Variants in CELSR1 observed in about 807,000 individuals in gnomAD.
CELSR1 encodes adhesion G protein-coupled receptor C1.
In CELSR1, 110 loss-of-function variants were observed where a neutral mutation model predicts 249.1. That is an observed-to-expected ratio of 0.44 (90% confidence interval 0.38 to 0.52). The LOEUF (loss-of-function observed/expected upper bound fraction) is 0.52. Ranked by LOEUF, CELSR1 falls within the 20% of genes least tolerant of loss-of-function variation. The pLI is 0.00. For missense variants in CELSR1, 4,109 were observed against 4,296.4 expected (o/e 0.96, Z 1.22); for synonymous variants, 2,113 against 1,900.0 (o/e 1.11, Z -2.92).
intron 20 of CELSR1, among the ~76,000 whole-genome samples, chr22:46,383,598 C>T (rs1208459175): frequency 6.6e-6 from 1 of 152,224 alleles, no homozygotes; most frequent in Non-Finnish European, 1.5e-5. Context: ...ACGATCACAG[C>T]TCACTGCAGC....
rs1371296379 is a variant in CELSR1 at position 46,363,928 on chromosome 22, C to G, written c.9035+68G>C. The G allele has an allele frequency of 4.1e-6, 6 of 1,468,516 alleles. No homozygotes were observed. Among genetic ancestry groups the G allele is most frequent in the Non-Finnish European group, 5.4e-6 (6 of 1,108,546 alleles). The allele number at this position is 1,468,516 out of a possible 1,614,324, so 91.0% of individuals were successfully genotyped here. On this transcript the variant is annotated intron_variant, in intron 34 of 34. Transcript: ENST00000674500. The surrounding 1 kb of genome is among the most constrained non-coding windows in gnomAD (Gnocchi z 4.3). ...GGTGTCAGGTCCCTGACCACTGCCC[C>G]CTCTCTCTCCTGACTCAGGACAAGG...
rs1176622423 is a variant in CELSR1, at chr22:46,447,060, C to T, written c.4184-7649G>A. 1.3e-5 allele frequency among the ~76,000 whole-genome samples: 2 copies of T among 152,074 alleles called. No homozygotes were observed. Among genetic ancestry groups the T allele is most frequent in the African/African-American group, 4.8e-5 (2 of 41,428 alleles). On this transcript the variant is annotated intron_variant, in intron 2 of 34. Transcript: ENST00000674500. The surrounding 1 kb of genome is among the most constrained non-coding windows in gnomAD (Gnocchi z 4.7). ...TATAGGGAGCTGGAGGGGCTGCTAG[C>T]ATGAGTGGATTACAGCGCTGTTTAA...
intron 1 of CELSR1, among the ~76,000 whole-genome samples, chr22:46,532,769 G>A (rs768469544): frequency 3.9e-5 from 6 of 152,068 alleles, no homozygotes; most frequent in African/African-American, 7.2e-5. Flanking sequence ...CAGGCCCCTC[G>A]AAGTTCTTCT....
At position 46,434,861 on chromosome 22, in the gene CELSR1, G is replaced by C. The variant is rs2079639430; in HGVS notation, c.4522+1313C>G. ...AAAATACAAAAATTAGCCGGGCATG[G>C]TGAAACGTGCCTGTATTCCCAGCTA... On this transcript the variant is annotated intron_variant, in intron 4 of 34. Coordinates refer to ENST00000674500, the MANE Select transcript of CELSR1 (RefSeq NM_001378328.1). The surrounding 1 kb of genome is among the most constrained non-coding windows in gnomAD (Gnocchi z 4.9). Among the ~76,000 whole-genome samples, 2 of 152,132 alleles carry C rather than the reference G, an allele frequency of 1.3e-5. No individual in the cohort carries two copies. Among genetic ancestry groups the C allele is most frequent in the African/African-American group, 4.8e-5 (2 of 41,428 alleles).
chr22:46,469,975 G>C (rs2080137356), intron 1 of CELSR1, among the ~76,000 whole-genome samples: 1 of 9,630 alleles, frequency 1.0e-4, no homozygotes, highest in Non-Finnish European at 2.9e-4. Flanking sequence ...AAGGGAGGGA[G>C]GGAGGAGGAG....
intron 19 of CELSR1, among the ~76,000 whole-genome samples, chr22:46,385,927 T>C (rs865917456): frequency 6.6e-6 from 1 of 150,932 alleles, no homozygotes; most frequent in African/African-American, 2.5e-5. Context: ...TCCGCCCACC[T>C]TGGCCTCCCA....
In CELSR1 at chr22:46,377,449, T is replaced by TGCCCTGG. The variant is rs925612357; in HGVS notation, c.7384-195_7384-189dup. 47 of 640,296 alleles carry TGCCCTGG rather than the reference T, an allele frequency of 7.3e-5. No homozygotes were observed. In the East Asian group the frequency reaches 1.3e-3, roughly 18 times the overall value. 39.7% of individuals were successfully genotyped at this position (640,296 alleles called of 1,614,324 possible). A position where few individuals can be genotyped will look rare whatever the true frequency, so the allele number is the denominator to read the frequency against. ...ACTGCCCCTCCTGAGGCTCCTTCAATGCCCTGGGCCCTGGGCATCCCTGGG... is the reference window on the plus strand; with the variant it reads ...ACTGCCCCTCCTGAGGCTCCTTCAATGCCCTGGGCCCTGGGCCCTGGGCATCCCTGGG... On this transcript the variant is annotated intron_variant, in intron 23 of 34. Coordinates refer to ENST00000674500, the MANE Select transcript of CELSR1 (RefSeq NM_001378328.1).
At position 46,380,988 on chromosome 22, in the gene CELSR1, C is replaced by T; in HGVS notation, c.7089-33G>A. On this transcript the variant is annotated intron_variant, in intron 21 of 34. Transcript: ENST00000674500. The surrounding 1 kb of genome is among the most constrained non-coding windows in gnomAD (Gnocchi z 5.1). Reference sequence around the variant, plus strand: ...CAAGAAGCCAGAGCATGGGGACAAACACGGTGAGGAAACATCTGCTTAAAT... The same window carrying T: ...CAAGAAGCCAGAGCATGGGGACAAATACGGTGAGGAAACATCTGCTTAAAT... The T allele has an allele frequency of 3.1e-6, 5 of 1,602,636 alleles. No individual in the cohort carries two copies. The highest frequency in any genetic ancestry group is 4.3e-6 in the Non-Finnish European group (5 of 1,172,030).
rs1221150262 is a variant in CELSR1 at position 46,447,667 on chromosome 22, G to A, written c.4184-8256C>T. Among the ~76,000 whole-genome samples, 1 of 152,198 alleles carries A rather than the reference G, an allele frequency of 6.6e-6. No individual in the cohort carries two copies. Among genetic ancestry groups the A allele is most frequent in the Non-Finnish European group, 1.5e-5 (1 of 68,038 alleles). On this transcript the variant is annotated intron_variant, in intron 2 of 34. Coordinates refer to ENST00000674500, the MANE Select transcript of CELSR1 (RefSeq NM_001378328.1). The surrounding 1 kb of genome is among the most constrained non-coding windows in gnomAD (Gnocchi z 4.7). The stretch of plus-strand genomic sequence containing the variant: ...TAAGAGAGTCTTACTCTGTCGCCCA[G>A]GCTGGAGTGCAATGGTGCGATCTCG...
In CELSR1 at chr22:46,383,339, G is replaced by C. The variant is rs563961388; in HGVS notation, c.6883+1204C>G. ...TTCACGTCCTTTTTATTTGGGGAAG[G>C]TTTTAGTAATTGTCATGGATCTGTA... On this transcript the variant is annotated intron_variant, in intron 20 of 34. Transcript: ENST00000674500. Among the ~76,000 whole-genome samples the C allele has an allele frequency of 2.0e-4, 31 of 152,296 alleles. 1 individual carries two copies. The South Asian group carries it at 5.2e-3, about 25-fold the overall frequency.
chr22:46,421,750 G>A (rs1300276200), intron 5 of CELSR1, among the ~76,000 whole-genome samples: 2 of 152,268 alleles, frequency 1.3e-5, no homozygotes, highest in African/African-American at 2.4e-5. Context: ...AAAGGCAGTG[G>A]CCGCCGACTT....
intron 25 of CELSR1, chr22:46,370,286 A>G (rs1286138462): frequency 8.0e-6 from 3 of 373,248 alleles, no homozygotes; most frequent in African/African-American, 6.3e-5. Context: ...CCCCCATACC[A>G]CATCCAACCA....
intron 29 of CELSR1, 34 bp downstream of exon 29, chr22:46,366,959 C>G (rs774606004): frequency 3.1e-6 from 5 of 1,593,602 alleles, no homozygotes; most frequent in Admixed American, 3.4e-5. Flanking sequence ...TGCCGCCCAG[C>G]CCCCAGTCCC....
chr22:46,365,556 C>T (rs367887796), intron 31 of CELSR1, 30 bp downstream of exon 31: 123 of 1,562,494 alleles, frequency 7.9e-5, no homozygotes, highest in Middle Eastern at 3.3e-4. Context: ...AAACAACCCA[C>T]GGGGTCCTCC....
chr22:46,533,873 C>T lies in CELSR1; in HGVS notation c.3298G>A (p.Val1100Met), dbSNP rs149416988. Residue 1100 changes from valine to methionine, a missense_variant, in exon 1 of 35, where the codon GTG becomes ATG. Around this residue, in one of 7 missense-constraint regions of CELSR1, gnomAD observed 886 missense variants for 896.5 expected, o/e 0.99. Coordinates refer to ENST00000674500, the MANE Select transcript of CELSR1 (RefSeq NM_001378328.1). The part of the protein sequence containing the change: ...LLVDQNDNPP[V>M]LPDFQILFNN... ...AAGAGGATCTGGAAGTCGGGCAGCACAGGCGGGTTGTCATTCTGGTCCACG... is the reference window on the plus strand; with the variant it reads ...AAGAGGATCTGGAAGTCGGGCAGCATAGGCGGGTTGTCATTCTGGTCCACG... The T allele has an allele frequency of 1.2e-6, 2 of 1,613,758 alleles. No individual in the cohort carries two copies. Among genetic ancestry groups the T allele is most frequent in the African/African-American group, 2.7e-5 (2 of 75,046 alleles).
chr22:46,400,050 C>A (rs1035140747), intron 9 of CELSR1, 148 bp from the exon 10 acceptor site: 2 of 813,732 alleles, frequency 2.5e-6, no homozygotes, highest in Non-Finnish European at 3.8e-6. Context: ...GCAAAGTTGG[C>A]CAGGTGCGGT....
Position 46,389,421 on chromosome 22 carries a change from T to C in CELSR1, c.6424A>G (p.Thr2142Ala), listed in dbSNP as rs763945788. 13 of 1,612,798 alleles carry C rather than the reference T, an allele frequency of 8.1e-6. No homozygotes were observed. The highest frequency in any genetic ancestry group is 1.1e-5 in the South Asian group (1 of 91,076). Reference protein sequence around the residue: ...LQLVRALRSATQHTGTLFGND... With the variant: ...LQLVRALRSAAQHTGTLFGND... ...CCAAAGAGCGTGCCCGTGTGCTGTGTAGCACTGCGCAGCGCCCTCACCAGC... is the reference window on the plus strand; with the variant it reads ...CCAAAGAGCGTGCCCGTGTGCTGTGCAGCACTGCGCAGCGCCCTCACCAGC... The change falls in exon 18 of 35, where the codon ACA (threonine) becomes GCA (alanine). Residue 2142 changes from threonine (T) to alanine (A), a missense_variant. Thr to Ala is a moderately conservative substitution (Grantham distance 58). Transcript: ENST00000674500.
intron 2 of CELSR1, among the ~76,000 whole-genome samples, chr22:46,461,097 A>G (rs930802022): frequency 6.6e-6 from 1 of 152,136 alleles, no homozygotes; most frequent in Admixed American, 6.5e-5. Context: ...CACCACTTTC[A>G]TCGTGAATAA....
intron 2 of CELSR1, among the ~76,000 whole-genome samples, chr22:46,461,102 G>A (rs888212430): frequency 6.6e-5 from 10 of 152,090 alleles, no homozygotes; most frequent in Non-Finnish European, 1.5e-4. Flanking sequence ...CTTTCATCGT[G>A]AATAAATGAG....
Sources: allele counts gnomAD v4.1 joint callset (sites outside exome capture counted in the v4.1 genomes callset), GRCh38; gene constraint gnomAD v4.1.1; regional missense constraint gnomAD v4.1.1; non-coding constraint Gnocchi (gnomAD v3.1); transcripts MANE v1.5; gene names NCBI Gene and HGNC (gene_info 2026-07-23, HGNC 2026-07-21).